SLC30A6: variants seen among roughly 807,000 people sequenced by gnomAD.
SLC30A6 encodes the protein solute carrier family 30 member 6, also known as zinc transporter 6.
SLC30A6 carries 55 observed loss-of-function variants against 63.0 expected under a neutral mutation model. The ratio of observed to expected loss-of-function variants is 0.87; its 90% CI spans 0.70 to 1.09. SLC30A6 has a LOEUF of 1.09. Ranked by LOEUF, SLC30A6 falls within the 50% of genes least tolerant of loss-of-function variation. The pLI, the probability that SLC30A6 is intolerant of heterozygous loss-of-function variation, is 0.00. For synonymous variants in SLC30A6, 224 were observed against 186.1 expected, an observed-to-expected ratio of 1.20 and a Z score of -1.66; for missense variants, 587 against 549.2, an observed-to-expected ratio of 1.07 and a Z score of -0.69.
rs747954749 is a variant in SLC30A6, at chr2:32,223,338, C to T, written c.*2625C>T. 1.3e-4 allele frequency: 20 copies of T among 150,636 alleles called. No homozygotes were observed. Among genetic ancestry groups the T allele is most frequent in the Non-Finnish European group, 2.5e-4 (17 of 68,026 alleles). 9.3% of individuals were successfully genotyped at this position (150,636 alleles called of 1,614,324 possible). Reference sequence around the variant, plus strand: ...GTGGAATGTAATTAACCCTGCTTTACGAAGTCACCATATTATAATAGGAAA... The same window carrying T: ...GTGGAATGTAATTAACCCTGCTTTATGAAGTCACCATATTATAATAGGAAA... On this transcript the variant is annotated 3_prime_UTR_variant, in exon 14 of 14. Transcript: ENST00000282587.
chr2:32,180,560 G>C (rs1338061960), intron 4 of SLC30A6, among the ~76,000 whole-genome samples: 1 of 152,072 alleles, frequency 6.6e-6, no homozygotes, highest in Admixed American at 6.5e-5. Flanking sequence ...AGCCGCCCGA[G>C]TAGCTGGGAT....
Position 32,197,352 on chromosome 2 carries a change from A to G in SLC30A6, c.505A>G (p.Thr169Ala), listed in dbSNP as rs1683883983. 6.2e-7 allele frequency: 1 copy of G among 1,613,484 alleles called. No homozygotes were observed. Among genetic ancestry groups the G allele is most frequent in the Admixed American group, 1.7e-5 (1 of 59,990 alleles). ...GTATTTTCTTCTTAAAGCTGCTAGTACGAGCTGGCTTCAAGAGCATGTTGC... is the reference window on the plus strand; with the variant it reads ...GTATTTTCTTCTTAAAGCTGCTAGTGCGAGCTGGCTTCAAGAGCATGTTGC... The part of the protein sequence containing the change: ...PFAYVSEAAS[T>A]SWLQEHVADL... Residue 169 changes from threonine (T) to alanine (A), a missense_variant, in exon 9 of 14, where the codon ACG becomes GCG. Physicochemically the swap from Thr to Ala is moderately conservative, Grantham distance 58. Transcript: ENST00000282587.
intron 10 of SLC30A6, 63 bp from the exon 11 acceptor site, chr2:32,204,527 A>C (rs1208313382): frequency 3.6e-6 from 4 of 1,103,162 alleles, no homozygotes; most frequent in Non-Finnish European, 5.4e-6. Flanking sequence ...TGTTCAGGAG[A>C]TTTAATTGTA....
intron 10 of SLC30A6, chr2:32,204,072 T>A: frequency 1.9e-6 from 1 of 535,622 alleles, no homozygotes; most frequent in South Asian, 2.4e-5. Context: ...CACCAAAAAT[T>A]AGGTCATCAT....
intron 5 of SLC30A6, among the ~76,000 whole-genome samples, chr2:32,189,049 A>G (rs1281624415): frequency 1.3e-5 from 2 of 152,224 alleles, no homozygotes; most frequent in African/African-American, 2.4e-5. Context: ...TTTAGCTATT[A>G]TAAATAAAAC....
At chr2:32,196,369 AAAT>A (rs1420588593) in intron 8 of SLC30A6, among the ~76,000 whole-genome samples, 1 of 152,108 alleles carries the variant, frequency 6.6e-6, no homozygotes, top group Non-Finnish European at 1.5e-5. Flanking sequence ...TTTGAGTGGG[AAAT>A]AATATTAAGT....
rs1049735148 is a variant in SLC30A6 at position 32,217,149 on chromosome 2, C to T, written c.886-3064C>T. On this transcript the variant is annotated intron_variant, in intron 13 of 13. Coordinates refer to ENST00000282587, the MANE Select transcript of SLC30A6 (RefSeq NM_017964.5). Reference sequence around the variant, plus strand: ...CTGACCTCAGGTGATCTGCCTACCTCGGCCACCCAAAGTGCTGGGATTACA... The same window carrying T: ...CTGACCTCAGGTGATCTGCCTACCTTGGCCACCCAAAGTGCTGGGATTACA... 5.9e-5 allele frequency among the ~76,000 whole-genome samples: 9 copies of T among 152,112 alleles called. No homozygotes were observed. The East Asian group carries it at 9.6e-4, about 16-fold the overall frequency.
intron 1 of SLC30A6, among the ~76,000 whole-genome samples, chr2:32,167,645 T>C (rs973786768): frequency 6.6e-6 from 1 of 151,370 alleles, no homozygotes; most frequent in Admixed American, 6.6e-5. Context: ...GGTGGTACCT[T>C]GTGCTTTTAT....
At chr2:32,189,085 C>A (rs1211816151) in intron 5 of SLC30A6, among the ~76,000 whole-genome samples, 1 of 152,084 alleles carries the variant, frequency 6.6e-6, no homozygotes, top group Non-Finnish European at 1.5e-5. Flanking sequence ...TTGTATATAT[C>A]TTTTAGTGCA....
chr2:32,186,260 C>G (rs962210444), intron 5 of SLC30A6, among the ~76,000 whole-genome samples: 1 of 152,204 alleles, frequency 6.6e-6, no homozygotes, highest in Non-Finnish European at 1.5e-5. Context: ...GTGTCCAGCT[C>G]CTGGCCTCAA....
rs1197028024 is a variant in SLC30A6, at chr2:32,166,388, G to T, written c.3+485G>T. The stretch of plus-strand genomic sequence containing the variant: ...GGCTTTACTAAATATTAAGTAGCCT[G>T]ATTACGGCAGCAAATTTCATAAGCG... On this transcript the variant is annotated intron_variant, in intron 1 of 13. Coordinates refer to ENST00000282587, the MANE Select transcript of SLC30A6 (RefSeq NM_017964.5). 2.6e-5 allele frequency among the ~76,000 whole-genome samples: 4 copies of T among 152,224 alleles called. No homozygotes were observed. The East Asian group carries it at 5.8e-4, about 22-fold the overall frequency.
At chr2:32,202,873 C>G (rs1029887077) in intron 10 of SLC30A6, 2 of 923,286 alleles carry the variant, frequency 2.2e-6, no homozygotes, top group African/African-American at 1.6e-5. Context: ...ACTCAAAAGG[C>G]TGCAGCTTCT....
chr2:32,175,433 A>G lies in SLC30A6; in HGVS notation c.218+72A>G, dbSNP rs184240248. ...GGTAGAAATGTGGTATAGCCATACA[A>G]TTCAGCAATAAAAACAGCAACTACT... On this transcript the variant is annotated intron_variant, in intron 4 of 13. Transcript: ENST00000282587. 2.7e-5 allele frequency: 36 copies of G among 1,347,370 alleles called. No homozygotes were observed. The African/African-American group carries it at 4.4e-4, about 16-fold the overall frequency. The allele number at this position is 1,347,370 out of a possible 1,614,324, so 83.5% of individuals were successfully genotyped here. A position where few individuals can be genotyped will look rare whatever the true frequency, so the allele number is the denominator to read the frequency against.
intron 9 of SLC30A6, 65 bp downstream of exon 9, chr2:32,197,457 A>C (rs1283004465): frequency 1.3e-5 from 19 of 1,467,002 alleles, no homozygotes; most frequent in Non-Finnish European, 1.3e-5. Context: ...TGCATCTATC[A>C]TGGGAACTTA....
chr2:32,214,483 C>T (rs1402107568), intron 13 of SLC30A6: 2 of 152,040 alleles, frequency 1.3e-5, no homozygotes, highest in African/African-American at 4.8e-5. Context: ...CATGAATTTG[C>T]ATGTCATCTT....
At chr2:32,205,855 C>T (rs1684723106) in intron 11 of SLC30A6, among the ~76,000 whole-genome samples, 1 of 151,438 alleles carries the variant, frequency 6.6e-6, no homozygotes. Flanking sequence ...TTTAGTAGAG[C>T]TGGGGTTTCA....
chr2:32,197,235 G>A, intron 8 of SLC30A6, 109 bp from the exon 9 acceptor site: 4 of 914,268 alleles, frequency 4.4e-6, no homozygotes, highest in South Asian at 1.7e-5. Flanking sequence ...CTTTTGTAAT[G>A]TTATTCAGTC....
At chr2:32,218,555 GTTTTGTTTT>G (rs1685901703) in intron 13 of SLC30A6, among the ~76,000 whole-genome samples, 2 of 151,114 alleles carry the variant, frequency 1.3e-5, no homozygotes, top group Non-Finnish European at 2.9e-5. Context: ...GTTTTGTTTT[GTTTTGTTTT>G]GTTTTGTTTT....
intron 12 of SLC30A6, among the ~76,000 whole-genome samples, chr2:32,209,071 C>G (rs1685033978): frequency 6.6e-6 from 1 of 152,032 alleles, no homozygotes; most frequent in Admixed American, 6.6e-5. Flanking sequence ...CAAACAACAT[C>G]CTGTGTTGTG....
Sources: gnomAD v4.1 joint callset for allele counts (sites outside exome capture counted in the v4.1 genomes callset) on GRCh38, gnomAD v4.1.1 for gene constraint, MANE v1.5 for transcripts, NCBI Gene and HGNC (gene_info 2026-07-23, HGNC 2026-07-21) for gene names.